ADGRG6: variants seen among roughly 807,000 people sequenced by gnomAD.
ADGRG6 encodes G-protein coupled receptor 126.
In ADGRG6, 84 loss-of-function variants were observed where a neutral mutation model predicts 142.4. That is an observed-to-expected ratio of 0.59 (90% CI 0.49 to 0.71). ADGRG6 has a LOEUF of 0.71. ADGRG6 is among the 30% of genes least tolerant of loss of function. The pLI is 0.00. For synonymous variants in ADGRG6, 521 were observed against 520.5 expected (o/e 1.00, Z -0.01); for missense variants, 1,367 against 1,466.6 (o/e 0.93, Z 1.11).
chr6:142,430,031 A>T (rs1464094953), intron 22 of ADGRG6, among the ~76,000 whole-genome samples: 1 of 152,192 alleles, frequency 6.6e-6, no homozygotes, highest in East Asian at 1.9e-4. Context: ...AGCCTGGGTG[A>T]GAGAGTGAGA....
intron 24 of ADGRG6, among the ~76,000 whole-genome samples, chr6:142,439,849 T>C (rs932301335): frequency 6.6e-6 from 1 of 152,234 alleles, no homozygotes; most frequent in African/African-American, 2.4e-5. Context: ...GGGTATAGCC[T>C]AAGATAGATT....
intron 5 of ADGRG6, among the ~76,000 whole-genome samples, chr6:142,383,278 C>A (rs1038364240): frequency 6.6e-6 from 1 of 152,056 alleles, no homozygotes; most frequent in African/African-American, 2.4e-5. Flanking sequence ...TCTTTACATT[C>A]ATCTTAAGAA....
chr6:142,310,489 A>G (rs1214174275), intron 2 of ADGRG6, among the ~76,000 whole-genome samples: 1 of 151,696 alleles, frequency 6.6e-6, no homozygotes, highest in African/African-American at 2.4e-5. Flanking sequence ...TGTATTTATT[A>G]CTTGGAATTT....
chr6:142,411,915 T>C (rs1776109186), intron 18 of ADGRG6, among the ~76,000 whole-genome samples: 1 of 152,150 alleles, frequency 6.6e-6, no homozygotes, highest in Non-Finnish European at 1.5e-5. Flanking sequence ...TTGCAGTTTG[T>C]TAGGACAGAC....
In ADGRG6 at chr6:142,315,578, A is replaced by G. The variant is rs542693141; in HGVS notation, c.103+5934A>G. 1.8e-3 allele frequency among the ~76,000 whole-genome samples: 281 copies of G among 152,098 alleles called. 2 individuals carry two copies. Among genetic ancestry groups the G allele is most frequent in the South Asian group, 3.5e-3 (17 of 4,816 alleles). On this transcript the variant is annotated intron_variant, in intron 2 of 24. Coordinates refer to ENST00000367609, the MANE Select transcript of ADGRG6 (RefSeq NM_198569.3). ...TGATTATACACCTGAAAAGAAAGCA[A>G]GGTTCCTTTGGGAGGCCGAGGCGGC...
chr6:142,312,871 A>G (rs1016422890), intron 2 of ADGRG6, among the ~76,000 whole-genome samples: 4 of 152,142 alleles, frequency 2.6e-5, no homozygotes, highest in Admixed American at 2.6e-4. Flanking sequence ...CCTCAAAACA[A>G]TGTGGTCAAA....
chr6:142,394,580 AT>A (rs5880532), intron 9 of ADGRG6, among the ~76,000 whole-genome samples: 2,915 of 132,944 alleles, frequency 0.022, 19 homozygotes, highest in Non-Finnish European at 0.025. Context: ...ATCTCTGTAG[AT>A]TTTTTTTTTT....
At chr6:142,436,120 GT>G (rs1000970709) in intron 22 of ADGRG6, among the ~76,000 whole-genome samples, 2 of 152,132 alleles carry the variant, frequency 1.3e-5, no homozygotes, top group Admixed American at 1.3e-4. Context: ...CTGGTGGGGG[GT>G]AGGGGAGAGA....
rs1016273399 is a variant in ADGRG6, at chr6:142,383,798, A to AC, written c.1179dup (p.Thr394HisfsTer2). 1 of 1,580,694 alleles carries AC rather than the reference A, an allele frequency of 6.3e-7. No individual in the cohort carries two copies. The highest frequency in any genetic ancestry group is 1.3e-5 in the African/African-American group (1 of 74,194). On this transcript the variant is annotated frameshift_variant, in exon 6 of 25. Transcript: ENST00000367609. LOFTEE classifies it high-confidence loss of function. ...TCCTAGTACTACACCACCCACTGTC[A>AC]CCACTAACATGCCTGTTACTAACAG...
intron 2 of ADGRG6, among the ~76,000 whole-genome samples, chr6:142,332,734 G>A (rs1009257298): frequency 1.4e-4 from 21 of 152,112 alleles, no homozygotes; most frequent in Admixed American, 1.4e-3. Context: ...GACATCTATT[G>A]TTATCTTTGG....
intron 14 of ADGRG6, chr6:142,404,309 ATT>A: frequency 7.7e-6 from 2 of 260,802 alleles, no homozygotes; most frequent in South Asian, 9.2e-5. Flanking sequence ...AGCATGGTGC[ATT>A]CTCTTTGCCA....
intron 2 of ADGRG6, among the ~76,000 whole-genome samples, chr6:142,339,722 C>T (rs1411686348): frequency 1.3e-5 from 2 of 152,138 alleles, no homozygotes. Flanking sequence ...ATATGCTTTA[C>T]TAGAAGCACA....
At chr6:142,347,367 A>G (rs1052089295) in intron 2 of ADGRG6, among the ~76,000 whole-genome samples, 1 of 152,208 alleles carries the variant, frequency 6.6e-6, no homozygotes, top group Admixed American at 6.5e-5. Context: ...TACTTGGGAA[A>G]CCAAATTTTA....
Position 142,370,181 on chromosome 6 carries a change from T to G in ADGRG6, c.457T>G (p.Leu153Val), listed in dbSNP as rs1478993538. ...NASYIRVAVS[L>V]RNQKVILPQT... ...ATGTTTTGTCCTAGTTGCCGTGTCCTTAAGGAATCAAAAGGTCATTTTACC... is the reference window on the plus strand; with the variant it reads ...ATGTTTTGTCCTAGTTGCCGTGTCCGTAAGGAATCAAAAGGTCATTTTACC... The change falls in exon 4 of 25, where the codon TTA (leucine) becomes GTA (valine). Residue 153 changes from leucine to valine, a missense_variant. Transcript: ENST00000367609. The G allele has an allele frequency of 1.2e-6, 2 of 1,601,240 alleles. No homozygotes were observed. The highest frequency in any genetic ancestry group is 1.7e-6 in the Non-Finnish European group (2 of 1,169,636).
At chr6:142,346,696 T>C (rs1296043744) in intron 2 of ADGRG6, among the ~76,000 whole-genome samples, 1 of 151,960 alleles carries the variant, frequency 6.6e-6, no homozygotes, top group Non-Finnish European at 1.5e-5. Flanking sequence ...TATGCAGTCA[T>C]AAAAAAGAAC....
intron 2 of ADGRG6, among the ~76,000 whole-genome samples, chr6:142,340,069 G>A (rs1336898541): frequency 6.6e-6 from 1 of 152,066 alleles, no homozygotes; most frequent in Non-Finnish European, 1.5e-5. Flanking sequence ...TCATGTTACT[G>A]ACAAATGTTG....
chr6:142,384,926 C>T (rs12197866), intron 6 of ADGRG6, among the ~76,000 whole-genome samples: 31,114 of 151,812 alleles, frequency 0.2, 3,282 homozygotes, highest in African/African-American at 0.25. Context: ...GATAGTTACA[C>T]CAAGGAGATT....
intron 14 of ADGRG6, 94 bp downstream of exon 14, chr6:142,404,067 G>T: frequency 1.1e-6 from 1 of 913,910 alleles, no homozygotes; most frequent in Non-Finnish European, 1.8e-6. Flanking sequence ...AAGAGGTCTT[G>T]GTCCATGAAG....
At chr6:142,324,155 G>A (rs1398393159) in intron 2 of ADGRG6, among the ~76,000 whole-genome samples, 1 of 152,018 alleles carries the variant, frequency 6.6e-6, no homozygotes, top group Non-Finnish European at 1.5e-5. Context: ...ATTGCCTGTT[G>A]CCTCAGCTTC....
Sources: allele counts gnomAD v4.1 joint callset (sites outside exome capture counted in the v4.1 genomes callset), GRCh38; gene constraint gnomAD v4.1.1; transcripts MANE v1.5; gene names NCBI Gene and HGNC (gene_info 2026-07-23, HGNC 2026-07-21).